RALGPS2: variants seen among roughly 807,000 people sequenced by gnomAD.
The protein encoded by RALGPS2 is Ral GEF with PH domain and SH3 binding motif 2.
RALGPS2 carries 43 observed loss-of-function variants against 86.8 expected under a neutral mutation model. That is an observed-to-expected ratio of 0.50 (90% confidence interval 0.39 to 0.64). The LOEUF (loss-of-function observed/expected upper bound fraction) is 0.64, where lower values mean the gene tolerates loss of function less well. Ranked by LOEUF, RALGPS2 falls within the 30% of genes least tolerant of loss-of-function variation. The pLI, the probability that RALGPS2 is intolerant of heterozygous loss-of-function variation, is 0.00. For missense variants in RALGPS2, 536 were observed against 694.6 expected, an observed-to-expected ratio of 0.77 and a Z score of 2.57; for synonymous variants, 243 against 231.3, an observed-to-expected ratio of 1.05 and a Z score of -0.46.
intron 1 of RALGPS2, among the ~76,000 whole-genome samples, chr1:178,734,471 C>T (rs1267485969): frequency 6.6e-6 from 1 of 152,080 alleles, no homozygotes; most frequent in Non-Finnish European, 1.5e-5. Context: ...TAAAATTGAC[C>T]GTGTTGATGG....
rs1332172189 is a variant in RALGPS2, at chr1:178,746,968, G to C, written c.-84+21549G>C. The C allele has an allele frequency of 5.0e-6, 5 of 991,222 alleles. No individual in the cohort carries two copies. In the Admixed American group the frequency reaches 5.1e-5, roughly 10 times the overall value. The allele number at this position is 991,222 out of a possible 1,614,324, so 61.4% of individuals were successfully genotyped here. A position where few individuals can be genotyped will look rare whatever the true frequency, so the allele number is the denominator to read the frequency against. ...CAAAAGCAGGAGGTAGTCTTCCTTA[G>C]AAAGTTCTTTCCATCGTTTCTGTAT... On this transcript the variant is annotated intron_variant, in intron 1 of 19. Coordinates refer to ENST00000367635, the MANE Select transcript of RALGPS2 (RefSeq NM_152663.5).
At chr1:178,831,632 C>A (rs903585029) in intron 7 of RALGPS2, among the ~76,000 whole-genome samples, 1 of 149,556 alleles carries the variant, frequency 6.7e-6, no homozygotes. Flanking sequence ...GCCCCGCCCC[C>A]CCCACCCCCA....
intron 1 of RALGPS2, among the ~76,000 whole-genome samples, chr1:178,743,508 T>C (rs1217599406): frequency 2.0e-5 from 3 of 152,226 alleles, no homozygotes; most frequent in Non-Finnish European, 2.9e-5. Flanking sequence ...GGAAATTGTT[T>C]TTAAACTTTC....
intron 2 of RALGPS2, among the ~76,000 whole-genome samples, chr1:178,780,380 A>G (rs1201752103): frequency 6.6e-6 from 1 of 152,018 alleles, no homozygotes; most frequent in Non-Finnish European, 1.5e-5. Context: ...TAGTGCCATG[A>G]CCTTTTAGTT....
At chr1:178,761,102 G>C (rs1282215515) in intron 1 of RALGPS2, among the ~76,000 whole-genome samples, 1 of 151,728 alleles carries the variant, frequency 6.6e-6, no homozygotes, top group Non-Finnish European at 1.5e-5. Flanking sequence ...AGCCTCCCAG[G>C]TAGCTGACAT....
chr1:178,738,432 C>T (rs1650843457), intron 1 of RALGPS2, among the ~76,000 whole-genome samples: 1 of 152,040 alleles, frequency 6.6e-6, no homozygotes, highest in African/African-American at 2.4e-5. Flanking sequence ...TGGTCTCGAA[C>T]TCCTGAGCTT....
intron 17 of RALGPS2, among the ~76,000 whole-genome samples, chr1:178,900,199 A>C (rs549936730): frequency 6.6e-6 from 1 of 152,108 alleles, no homozygotes; most frequent in East Asian, 1.9e-4. Flanking sequence ...AAAAAATCAT[A>C]GATTAAAATA....
At chr1:178,888,998 T>C (rs1659607134) in intron 13 of RALGPS2, among the ~76,000 whole-genome samples, 1 of 152,136 alleles carries the variant, frequency 6.6e-6, no homozygotes, top group Non-Finnish European at 1.5e-5. Context: ...ACTAAGCTGT[T>C]TTGGACTCTC....
At chr1:178,893,453 C>CTT (rs71569219) in intron 15 of RALGPS2, among the ~76,000 whole-genome samples, 132 of 116,324 alleles carry the variant, frequency 1.1e-3, no homozygotes, top group Middle Eastern at 4.7e-3. Context: ...AGCATGTTTT[C>CTT]TTTTTTTTTT....
intron 10 of RALGPS2, 133 bp from the exon 11 acceptor site, chr1:178,883,333 T>G (rs1432818584): frequency 1.5e-6 from 1 of 649,866 alleles, no homozygotes; most frequent in Admixed American, 2.8e-5. Flanking sequence ...AGATTGCTCT[T>G]GAAGAAAAGT....
chr1:178,808,629 C>G (rs1178367089), intron 5 of RALGPS2, among the ~76,000 whole-genome samples: 1 of 151,998 alleles, frequency 6.6e-6, no homozygotes, highest in African/African-American at 2.4e-5. Flanking sequence ...GGCTTGAAAG[C>G]TCGTGTCTGT....
intron 6 of RALGPS2, 116 bp from the exon 7 acceptor site, chr1:178,821,496 A>G (rs1655501882): frequency 2.8e-6 from 2 of 726,198 alleles, no homozygotes; most frequent in Non-Finnish European, 2.4e-6. Flanking sequence ...TCAGTAATGA[A>G]GGTAATATAT....
intron 6 of RALGPS2, among the ~76,000 whole-genome samples, chr1:178,817,401 TTC>T (rs2102216241): frequency 6.6e-6 from 1 of 152,016 alleles, no homozygotes; most frequent in Admixed American, 6.5e-5. Context: ...CTCCATTCTT[TTC>T]TCTGTTTAAC....
chr1:178,727,464 G>C (rs1423854877), intron 1 of RALGPS2, among the ~76,000 whole-genome samples: 1 of 152,186 alleles, frequency 6.6e-6, no homozygotes, highest in Admixed American at 6.5e-5. Flanking sequence ...AGATTGCAAC[G>C]TAAGTTTGAA....
At chr1:178,741,809 A>G (rs35069178) in intron 1 of RALGPS2, among the ~76,000 whole-genome samples, 37,595 of 152,106 alleles carry the variant, frequency 0.25, 5,232 homozygotes, top group Non-Finnish European at 0.32. Flanking sequence ...CATATCAATA[A>G]TCACATAAAA....
At position 178,834,549 on chromosome 1, in the gene RALGPS2, C is replaced by CAG. The variant is rs1247017726; in HGVS notation, c.607+1003_607+1004dup. 3.9e-5 allele frequency among the ~76,000 whole-genome samples: 6 copies of CAG among 152,252 alleles called. No homozygotes were observed. In the East Asian group the frequency reaches 1.2e-3, roughly 29 times the overall value. ...AATATTGTGGGACACCCTAGGATTG[C>CAG]AGAGAATGGGGACCTATTGTGTACC... On this transcript the variant is annotated intron_variant, in intron 8 of 19. Coordinates refer to ENST00000367635, the MANE Select transcript of RALGPS2 (RefSeq NM_152663.5).
At chr1:178,815,375 G>A (rs111599899) in intron 6 of RALGPS2, among the ~76,000 whole-genome samples, 7,092 of 152,082 alleles carry the variant, frequency 0.047, 562 homozygotes, top group African/African-American at 0.16. Flanking sequence ...GTGAGCCACC[G>A]CGCCTGGCAG....
At chr1:178,813,248 C>A (rs1655075655) in intron 6 of RALGPS2, among the ~76,000 whole-genome samples, 1 of 151,990 alleles carries the variant, frequency 6.6e-6, no homozygotes, top group African/African-American at 2.4e-5. Flanking sequence ...TGGTTTTTAA[C>A]TAATAAAAAT....
chr1:178,843,350 G>A (rs1656691796), intron 8 of RALGPS2, among the ~76,000 whole-genome samples: 5 of 145,518 alleles, frequency 3.4e-5, no homozygotes, highest in African/African-American at 1.0e-4. Context: ...CATGTCCTTT[G>A]TAGGGACATG....
Sources: gnomAD v4.1 joint callset for allele counts (sites outside exome capture counted in the v4.1 genomes callset) on GRCh38, gnomAD v4.1.1 for gene constraint, MANE v1.5 for transcripts, NCBI Gene and HGNC (gene_info 2026-07-23, HGNC 2026-07-21) for gene names.